AKR1C8: variants seen among roughly 807,000 people sequenced by gnomAD.
AKR1C8 encodes the protein aldo-keto reductase family 1 member C-like protein 1.
chr10:5,159,979 A>G, the AKR1C8 span: 1 of 366,472 alleles, frequency 2.7e-6, no homozygotes, highest in East Asian at 7.8e-5. Flanking sequence ...ACCTGGTTAA[A>G]CCTGCTTCTT....
chr10:5,153,789 T>C, the AKR1C8 span, among the ~76,000 whole-genome samples: 1 of 152,138 alleles, frequency 6.6e-6, no homozygotes, highest in South Asian at 2.1e-4. Context: ...CCTCCTCCAA[T>C]ACTGGAGATT....
chr10:5,138,406 C>A, the AKR1C8 span, among the ~76,000 whole-genome samples: 5 of 152,084 alleles, frequency 3.3e-5, no homozygotes, highest in Non-Finnish European at 7.4e-5. Flanking sequence ...AAATATGGCT[C>A]TTTTTGCCTG....
chr10:5,117,017 C>G, the AKR1C8 span, among the ~76,000 whole-genome samples: 22 of 152,054 alleles, frequency 1.4e-4, no homozygotes, highest in African/African-American at 5.1e-4. Flanking sequence ...TGTTAGTTCT[C>G]TTTAGAAATA....
the AKR1C8 span, among the ~76,000 whole-genome samples, chr10:5,183,887 A>T: frequency 1.3e-5 from 2 of 152,232 alleles, no homozygotes; most frequent in African/African-American, 4.8e-5. Context: ...AACTGCACTC[A>T]TATGAGAACA....
the AKR1C8 span, among the ~76,000 whole-genome samples, chr10:5,165,470 A>C: frequency 1.3e-5 from 2 of 152,010 alleles, no homozygotes; most frequent in Non-Finnish European, 2.9e-5. Context: ...TCTCCCTTCT[A>C]TATCCCTCTA....
At chr10:5,180,022 T>C in the AKR1C8 span, among the ~76,000 whole-genome samples, 1 of 152,254 alleles carries the variant, frequency 6.6e-6, no homozygotes, top group Non-Finnish European at 1.5e-5. Context: ...GGTGAGGAAC[T>C]GCGTTCGTTT....
chr10:5,167,474 G>A, the AKR1C8 span, among the ~76,000 whole-genome samples: 89 of 152,298 alleles, frequency 5.8e-4, 1 homozygote, highest in South Asian at 0.018. Flanking sequence ...ATAAGTTCAT[G>A]TCCTTTGTAG....
the AKR1C8 span, among the ~76,000 whole-genome samples, chr10:5,182,348 A>C: frequency 1.3e-5 from 2 of 152,210 alleles, no homozygotes; most frequent in Non-Finnish European, 2.9e-5. Flanking sequence ...GAAACCAATA[A>C]AAACCTCTTA....
the AKR1C8 span, among the ~76,000 whole-genome samples, chr10:5,117,006 A>C: frequency 6.6e-6 from 1 of 152,184 alleles, no homozygotes; most frequent in Admixed American, 6.5e-5. Context: ...TAGAATTCTG[A>C]TGTTAGTTCT....
chr10:5,122,123 G>A, the AKR1C8 span: 3 of 387,938 alleles, frequency 7.7e-6, no homozygotes, highest in East Asian at 1.1e-4. Context: ...CGTTGAGGCT[G>A]TCAATGGCTT....
At chr10:5,182,871 T>C in the AKR1C8 span, among the ~76,000 whole-genome samples, 12 of 151,892 alleles carry the variant, frequency 7.9e-5, no homozygotes, top group Admixed American at 3.3e-4. Flanking sequence ...GATCATGCCA[T>C]TGCACTCCAG....
the AKR1C8 span, among the ~76,000 whole-genome samples, chr10:5,176,150 T>A: frequency 1.3e-5 from 2 of 151,766 alleles, no homozygotes; most frequent in East Asian, 3.9e-4. Flanking sequence ...GAATTAATTT[T>A]TGTGTAAGGT....
chr10:5,172,504 A>G, the AKR1C8 span, among the ~76,000 whole-genome samples: 19,432 of 152,092 alleles, frequency 0.13, 1,497 homozygotes, highest in Admixed American at 0.17. Flanking sequence ...AGATGCAGCT[A>G]TCTTCATTAA....
chr10:5,163,797 CCAA>C, the AKR1C8 span, among the ~76,000 whole-genome samples: 1 of 152,098 alleles, frequency 6.6e-6, no homozygotes, highest in Non-Finnish European at 1.5e-5. Flanking sequence ...CTAAGACATA[CCAA>C]CAACTACACT....
chr10:5,136,485 T>A, the AKR1C8 span, among the ~76,000 whole-genome samples: 1 of 152,148 alleles, frequency 6.6e-6, no homozygotes, highest in African/African-American at 2.4e-5. Context: ...AGGCAGAGGC[T>A]ACAGTGAGCC....
chr10:5,174,830 A>G, the AKR1C8 span, among the ~76,000 whole-genome samples: 1 of 152,112 alleles, frequency 6.6e-6, no homozygotes, highest in Non-Finnish European at 1.5e-5. Flanking sequence ...AAATAAAATA[A>G]AAATGAAAGA....
At chr10:5,175,680 A>G in the AKR1C8 span, among the ~76,000 whole-genome samples, 5 of 152,192 alleles carry the variant, frequency 3.3e-5, no homozygotes, top group Non-Finnish European at 5.9e-5. Context: ...AACTGGTGTG[A>G]GATGGTATCT....
At chr10:5,144,318 G>A in the AKR1C8 span, among the ~76,000 whole-genome samples, 1 of 152,124 alleles carries the variant, frequency 6.6e-6, no homozygotes, top group Non-Finnish European at 1.5e-5. Flanking sequence ...GATGCCTCCA[G>A]CTTTCTTCTT....
the AKR1C8 span, among the ~76,000 whole-genome samples, chr10:5,164,446 C>A: frequency 5.2e-4 from 79 of 152,204 alleles, no homozygotes; most frequent in Middle Eastern, 3.4e-3. Context: ...GAGACTACTA[C>A]ATTTTTGATA....
Sources: allele counts gnomAD v4.1 joint callset (sites outside exome capture counted in the v4.1 genomes callset), GRCh38; gene constraint gnomAD v4.1.1; transcripts MANE v1.5; gene names NCBI Gene and HGNC (gene_info 2026-07-23, HGNC 2026-07-21).